Variants in UMODL1 observed in about 807,000 individuals in gnomAD.
The protein encoded by UMODL1 is uromodulin-like 1.
Under a neutral mutation model 136.3 loss-of-function variants are expected in UMODL1, and 128 were observed. That is an observed-to-expected ratio of 0.94 (90% CI 0.81 to 1.09). The LOEUF is 1.09. Among genes scored for constraint, UMODL1 ranks in the 50% least tolerant of loss-of-function variants. UMODL1 has a pLI of 0.00. For missense variants in UMODL1, 1,766 were observed against 1,725.6 expected, an observed-to-expected ratio of 1.02 and a Z score of -0.41; for synonymous variants, 721 against 720.0, an observed-to-expected ratio of 1.00 and a Z score of -0.02.
chr21:42,071,494 C>A (rs187477180), intron 1 of UMODL1, 102 bp downstream of exon 1: 2 of 1,228,616 alleles, frequency 1.6e-6, no homozygotes, highest in East Asian at 3.0e-5. Context: ...CAGGCAAGGA[C>A]GCCTCTGCTT....
rs2066992653 is a variant in UMODL1, at chr21:42,122,746, C to G, written c.2828-85C>G. On this transcript the variant is annotated intron_variant, in intron 16 of 22. Coordinates refer to ENST00000408910, the MANE Select transcript of UMODL1 (RefSeq NM_001004416.3). This position sits in a 1 kb window ranked among gnomAD's most constrained non-coding sequence, Gnocchi z 4.3. ...GTGGCTGCTGCAGAGTGCAGGGCAG[C>G]TCCAGTCTGCTCCTTACCCCTGCCC... is the stretch of plus-strand genomic sequence containing the variant. 1 of 1,386,748 alleles carries G rather than the reference C, an allele frequency of 7.2e-7. No individual in the cohort carries two copies. The highest frequency in any genetic ancestry group is 2.5e-5 in the East Asian group (1 of 40,680). 85.9% of individuals were successfully genotyped at this position (1,386,748 alleles called of 1,614,324 possible).
Position 42,123,259 on chromosome 21 carries a change from A to T in UMODL1, c.3147+109A>T. 7.7e-7 allele frequency: 1 copy of T among 1,294,124 alleles called. No homozygotes were observed. 80.2% of individuals were successfully genotyped at this position (1,294,124 alleles called of 1,614,324 possible). On this transcript the variant is annotated intron_variant, in intron 17 of 22. Transcript: ENST00000408910. The surrounding 1 kb of genome is among the most constrained non-coding windows in gnomAD (Gnocchi z 4.4). ...GGCAAGACTCTGCACCCCGAGGGGA[A>T]CCCAGCAAGGGGGGTTCAGGACAGG...
At chr21:42,132,838 T>C (rs1299925085) in intron 21 of UMODL1, among the ~76,000 whole-genome samples, 9 of 152,252 alleles carry the variant, frequency 5.9e-5, no homozygotes, top group Non-Finnish European at 1.3e-4. Context: ...ATGCTGCATA[T>C]GAATTGTGCC....
intron 8 of UMODL1, chr21:42,103,378 C>A (rs1486625379): frequency 2.7e-5 from 8 of 299,950 alleles, no homozygotes; most frequent in African/African-American, 1.7e-4. Flanking sequence ...GGGAACCAGG[C>A]TGGTATCTCC....
At chr21:42,086,035 T>C (rs912258408) in intron 4 of UMODL1, among the ~76,000 whole-genome samples, 6 of 152,180 alleles carry the variant, frequency 3.9e-5, no homozygotes, top group African/African-American at 1.4e-4. Flanking sequence ...CCATCAGCAG[T>C]GATTACCAAC....
At position 42,111,193 on chromosome 21, in the gene UMODL1, C is replaced by T. The variant is rs1301055665; in HGVS notation, c.1899+72C>T. 4 of 1,537,584 alleles carry T rather than the reference C, an allele frequency of 2.6e-6. No homozygotes were observed. In the Admixed American group the frequency reaches 6.4e-5, roughly 24 times the overall value. On this transcript the variant is annotated intron_variant, in intron 11 of 22. Transcript: ENST00000408910. ...GCCAGGTGAACCCCAGCCAGGGGAG[C>T]CCCAGCCAGGGGAGCCTCAGACAGG...
intron 2 of UMODL1, 125 bp from the exon 3 acceptor site, chr21:42,083,959 C>A: frequency 2.5e-6 from 3 of 1,213,266 alleles, no homozygotes; most frequent in Non-Finnish European, 3.5e-6. Context: ...TGGGGATGGG[C>A]CCCGAACAGG....
rs114180583 is a variant in UMODL1, at chr21:42,119,106, C to T, written c.2476-5C>T. ...GACCTCCTCACATGGCCTCTTTCCC[C>T]GCAGGTGCGGGGCTCCCTGCCAGCC... On this transcript the variant is annotated splice_polypyrimidine_tract_variant and splice_region_variant and intron_variant, in intron 14 of 22. Coordinates refer to ENST00000408910, the MANE Select transcript of UMODL1 (RefSeq NM_001004416.3). 14,217 of 1,611,340 alleles carry T rather than the reference C, an allele frequency of 8.8e-3. 206 individuals are homozygous for T. Among genetic ancestry groups the T allele is most frequent in the Middle Eastern group, 0.038 (186 of 4,906 alleles).
Position 42,088,432 on chromosome 21 carries a change from G to T in UMODL1, c.742G>T (p.Gly248Cys). ...LPVADVSTLLGDIAKRVYEVI... is the reference protein window; with the variant it reads ...LPVADVSTLLCDIAKRVYEVI... ...TGTGGCTGACGTCTCCACCCTGCTG[G>T]GTGACATTGCGAAGCGTGTCTATGA... Residue 248 changes from glycine (G) to cysteine (C), a missense_variant, in exon 5 of 23, where the codon GGT becomes TGT. Physicochemically the swap from Gly to Cys is radical, Grantham distance 159. Coordinates refer to ENST00000408910, the MANE Select transcript of UMODL1 (RefSeq NM_001004416.3). 1 of 1,613,560 alleles carries T rather than the reference G, an allele frequency of 6.2e-7. No individual in the cohort carries two copies. The highest frequency in any genetic ancestry group is 2.2e-5 in the East Asian group (1 of 44,854).
At chr21:42,097,720 C>T (rs1205694862) in intron 6 of UMODL1, among the ~76,000 whole-genome samples, 2 of 152,116 alleles carry the variant, frequency 1.3e-5, no homozygotes, top group South Asian at 2.1e-4. Context: ...TTTTATAGAG[C>T]TTAAATTCTG....
intron 21 of UMODL1, 51 bp from the exon 22 acceptor site, chr21:42,137,388 C>T: frequency 6.2e-7 from 1 of 1,601,518 alleles, no homozygotes; most frequent in East Asian, 2.2e-5. Context: ...TGCTCTATCG[C>T]ATTCCTCCCG....
intron 1 of UMODL1, among the ~76,000 whole-genome samples, 157 bp downstream of exon 1, chr21:42,071,549 C>T (rs978753680): frequency 2.6e-5 from 4 of 152,106 alleles, no homozygotes; most frequent in Non-Finnish European, 4.4e-5. Context: ...TTTTGGTAAG[C>T]GCACATGGTA....
chr21:42,106,757 G>A (rs751001703), intron 9 of UMODL1, among the ~76,000 whole-genome samples: 9 of 152,334 alleles, frequency 5.9e-5, no homozygotes, highest in Non-Finnish European at 1.0e-4. Flanking sequence ...AGAGTGAGGC[G>A]GAACGGGTTG....
intron 20 of UMODL1, among the ~76,000 whole-genome samples, chr21:42,128,965 G>T (rs956731287): frequency 4.6e-5 from 7 of 152,136 alleles, no homozygotes; most frequent in South Asian, 2.1e-4. Context: ...TCAGCCGGCT[G>T]GTTCCCTCTG....
intron 6 of UMODL1, among the ~76,000 whole-genome samples, chr21:42,096,351 C>T (rs920742748): frequency 6.6e-6 from 1 of 152,296 alleles, no homozygotes; most frequent in East Asian, 1.9e-4. Flanking sequence ...CGGAGGGCTT[C>T]ACAGCATTTG....
chr21:42,139,896 G>A lies in UMODL1; in HGVS notation c.*22-2200G>A, dbSNP rs557888330. ...CGGGAAAGACAAAGCTAACACAAGC[G>A]TCCCCCTCACATGGGCAGAATCACT... On this transcript the variant is annotated intron_variant, in intron 22 of 22. Coordinates refer to ENST00000408910, the MANE Select transcript of UMODL1 (RefSeq NM_001004416.3). Among the ~76,000 whole-genome samples the A allele has an allele frequency of 2.2e-3, 329 of 152,190 alleles. 1 individual carries two copies. Among genetic ancestry groups the A allele is most frequent in the African/African-American group, 5.9e-3 (247 of 41,534 alleles).
upstream of UMODL1, among the ~76,000 whole-genome samples, chr21:42,068,625 G>A (rs574116970): frequency 1.3e-5 from 2 of 152,170 alleles, no homozygotes; most frequent in Admixed American, 6.5e-5. This position sits in a 1 kb window ranked among gnomAD's most constrained non-coding sequence, Gnocchi z 5.5. Context: ...GCACCTGCCC[G>A]GCAGCCGTTA....
At chr21:42,094,283 T>C (rs778350876) in intron 6 of UMODL1, among the ~76,000 whole-genome samples, 10 of 152,192 alleles carry the variant, frequency 6.6e-5, no homozygotes, top group Non-Finnish European at 1.0e-4. Context: ...TGAATTCCAA[T>C]TGCATATTGC....
chr21:42,066,381 C>A (rs1323464324), upstream of UMODL1, among the ~76,000 whole-genome samples: 1 of 152,228 alleles, frequency 6.6e-6, no homozygotes, highest in Non-Finnish European at 1.5e-5. Flanking sequence ...CTCCTGGGTT[C>A]AAGCAATTCT....
Sources: allele counts gnomAD v4.1 joint callset (sites outside exome capture counted in the v4.1 genomes callset), GRCh38; gene constraint gnomAD v4.1.1; non-coding constraint Gnocchi (gnomAD v3.1); transcripts MANE v1.5; gene names NCBI Gene and HGNC (gene_info 2026-07-23, HGNC 2026-07-21).